Variants in HEATR4 observed in about 807,000 individuals in gnomAD.
HEATR4 encodes HEAT repeat containing 4.
A neutral mutation model predicts 108.8 loss-of-function variants in HEATR4; 95 were observed. That is an observed-to-expected ratio of 0.87 (90% CI 0.74 to 1.04). The LOEUF is 1.04. Among genes scored for constraint, HEATR4 ranks in the 50% least tolerant of loss-of-function variants. The probability of loss-of-function intolerance (pLI) is 0.00; values close to 1 mark genes in which losing one functional copy is unlikely to be tolerated. For synonymous variants in HEATR4, 443 were observed against 459.4 expected (o/e 0.96, Z 0.46); for missense variants, 1,152 against 1,253.8 (o/e 0.92, Z 1.23).
chr14:73,525,648 T>C (rs2048901511), intron 2 of HEATR4, among the ~76,000 whole-genome samples: 2 of 152,018 alleles, frequency 1.3e-5, no homozygotes, highest in African/African-American at 4.8e-5. Flanking sequence ...TGAACAACTG[T>C]CCCCACAAGG....
upstream of HEATR4, among the ~76,000 whole-genome samples, chr14:73,560,446 A>G (rs1238240652): frequency 6.6e-6 from 1 of 151,922 alleles, no homozygotes; most frequent in Non-Finnish European, 1.5e-5. Context: ...GCGGATCACG[A>G]GGTCAGGAGA....
rs1345663379 is a variant in HEATR4 at position 73,552,828 on chromosome 14, C to T, written c.-152+5923G>A. On this transcript the variant is annotated intron_variant, in intron 1 of 17. Coordinates refer to ENST00000553558, the MANE Select transcript of HEATR4 (RefSeq NM_001220484.1). ...ACCCCCTCACCCAGACCCCCAACAC[C>T]TCATGCCTGTCTTATGCCATGAGTC... 3.8e-5 allele frequency among the ~76,000 whole-genome samples: 4 copies of T among 106,630 alleles called. 2 individuals carry two copies. The highest frequency in any genetic ancestry group is 1.3e-4 in the African/African-American group (4 of 29,634). The allele number at this position is 106,630 out of a possible 152,430, so 70.0% of individuals were successfully genotyped here.
At chr14:73,506,813 T>G (rs954939895) in intron 9 of HEATR4, among the ~76,000 whole-genome samples, 2 of 131,976 alleles carry the variant, frequency 1.5e-5, no homozygotes, top group East Asian at 2.4e-4. Flanking sequence ...TGTTTTTTTT[T>G]TTTTTTTTTT....
At chr14:73,619,899 G>T in the HEATR4 span, 33 of 1,454,266 alleles carry the variant, frequency 2.3e-5, no homozygotes, top group South Asian at 1.9e-4. Flanking sequence ...CTTGTGTTGG[G>T]TTTTCTTTCT....
chr14:73,592,370 G>GTT, the HEATR4 span: 1 of 1,575,368 alleles, frequency 6.3e-7, no homozygotes, highest in South Asian at 1.2e-5. Context: ...TGCGGCGCCA[G>GTT]TCGGTGCGAG....
the HEATR4 span, among the ~76,000 whole-genome samples, chr14:73,573,838 T>C: frequency 1.3e-5 from 2 of 151,996 alleles, no homozygotes; most frequent in Non-Finnish European, 2.9e-5. Context: ...GTGATTCTTG[T>C]GCCCCACCCT....
intron 17 of HEATR4, chr14:73,490,872 C>T: frequency 1.2e-6 from 1 of 804,246 alleles, no homozygotes; most frequent in Non-Finnish European, 1.7e-6. Context: ...CGGGAGGGGC[C>T]GAATAGAAGA....
chr14:73,572,869 C>T, the HEATR4 span, among the ~76,000 whole-genome samples: 1 of 150,392 alleles, frequency 6.6e-6, no homozygotes. Flanking sequence ...TGGTCTCGAA[C>T]TCCTGACCTC....
intron 2 of HEATR4, among the ~76,000 whole-genome samples, chr14:73,523,435 A>G (rs1043219329): frequency 3.3e-5 from 5 of 152,308 alleles, no homozygotes; most frequent in African/African-American, 1.2e-4. Flanking sequence ...CTTGTTCCCA[A>G]AGCTCAGACC....
chr14:73,485,868 C>CA (rs60903942), intron 17 of HEATR4, among the ~76,000 whole-genome samples: 33,883 of 146,276 alleles, frequency 0.23, 3,935 homozygotes, highest in East Asian at 0.35. Flanking sequence ...GACTCTGTCT[C>CA]AAAAAAAAAA....
rs748159044 is a variant in HEATR4 at position 73,519,011 on chromosome 14, CT to C, written c.1210+11del. ...TATTAACCCCTGCCTTCCCTGTTAGCTTCCTGCTTACATGCTTCAGGAATTG... is the reference window on the plus strand; with the variant it reads ...TATTAACCCCTGCCTTCCCTGTTAGCTCCTGCTTACATGCTTCAGGAATTG... On this transcript the variant is annotated intron_variant, in intron 5 of 17. Coordinates refer to ENST00000553558, the MANE Select transcript of HEATR4 (RefSeq NM_001220484.1). 4 of 1,607,754 alleles carry C rather than the reference CT, an allele frequency of 2.5e-6. No individual in the cohort carries two copies. In the Admixed American group the frequency reaches 5.1e-5, roughly 20 times the overall value.
chr14:73,629,318 A>G, the HEATR4 span, among the ~76,000 whole-genome samples: 1 of 152,226 alleles, frequency 6.6e-6, no homozygotes, highest in Non-Finnish European at 1.5e-5. Context: ...CTGGGAAACC[A>G]AACATTCATG....
At chr14:73,503,083 T>C in intron 10 of HEATR4, 70 bp from the exon 11 acceptor site, 2 of 1,209,242 alleles carry the variant, frequency 1.7e-6, no homozygotes, top group East Asian at 2.3e-5. Context: ...CGTTGTGCTG[T>C]TTTTTCTTCT....
intron 2 of HEATR4, among the ~76,000 whole-genome samples, chr14:73,526,417 C>A (rs1416132896): frequency 1.3e-5 from 2 of 152,166 alleles, no homozygotes; most frequent in Non-Finnish European, 2.9e-5. Context: ...GTCATGGAGG[C>A]AGTGGACTTT....
intron 16 of HEATR4, among the ~76,000 whole-genome samples, chr14:73,493,702 G>A (rs1885936966): frequency 6.6e-6 from 1 of 152,188 alleles, no homozygotes; most frequent in Non-Finnish European, 1.5e-5. Context: ...GCCAGGCATA[G>A]TGGTGCGTGC....
At chr14:73,515,601 A>G (rs1309551159) in intron 5 of HEATR4, among the ~76,000 whole-genome samples, 1 of 149,466 alleles carries the variant, frequency 6.7e-6, no homozygotes, top group Admixed American at 6.8e-5. Context: ...AATCACTTGA[A>G]CTGGGGAGGC....
chr14:73,491,388 C>T, intron 17 of HEATR4: 2 of 1,351,704 alleles, frequency 1.5e-6, no homozygotes, highest in South Asian at 1.9e-5. Flanking sequence ...CGCCTGGTGC[C>T]CGCTTCCGCG....
chr14:73,564,725 T>G, the HEATR4 span, among the ~76,000 whole-genome samples: 2 of 76,252 alleles, frequency 2.6e-5, no homozygotes, highest in African/African-American at 7.6e-5. Flanking sequence ...TTTTCTGTTT[T>G]TTGTTTTTTT....
In HEATR4 at chr14:73,511,857, G is replaced by A. The variant is rs1471764645; in HGVS notation, c.1558+149C>T. The A allele has an allele frequency of 3.8e-6, 3 of 799,830 alleles. No individual in the cohort carries two copies. In the African/African-American group the frequency reaches 5.1e-5, roughly 14 times the overall value. The allele number at this position is 799,830 out of a possible 1,614,324, so 49.5% of individuals were successfully genotyped here. On this transcript the variant is annotated intron_variant, in intron 7 of 17. Transcript: ENST00000553558. ...GAATTTTAATCTCGTCTCTATTGCTGATAAGCATGTATATATAGGCCAGTC... is the reference window on the plus strand; with the variant it reads ...GAATTTTAATCTCGTCTCTATTGCTAATAAGCATGTATATATAGGCCAGTC...
Sources: allele counts gnomAD v4.1 joint callset (sites outside exome capture counted in the v4.1 genomes callset), GRCh38; gene constraint gnomAD v4.1.1; transcripts MANE v1.5; gene names NCBI Gene and HGNC (gene_info 2026-07-23, HGNC 2026-07-21).